The following VPS9D1 variants were observed in gnomAD, a reference collection of about 807,000 sequenced individuals.
The protein encoded by VPS9D1 is VPS9 domain containing 1, also known as VPS9 domain-containing protein 1.
In VPS9D1, 78 loss-of-function variants were observed where a neutral mutation model predicts 75.8. The ratio of observed to expected loss-of-function variants is 1.03; its 90% CI spans 0.86 to 1.24. The LOEUF (loss-of-function observed/expected upper bound fraction) is 1.24. Ranked by LOEUF, VPS9D1 falls within the 50% of genes most tolerant of loss-of-function variation. The probability of loss-of-function intolerance (pLI) is 0.00; values close to 1 mark genes in which losing one functional copy is unlikely to be tolerated. For synonymous variants in VPS9D1, 481 were observed against 385.6 expected, an observed-to-expected ratio of 1.25 and a Z score of -2.90; for missense variants, 1,057 against 847.7, an observed-to-expected ratio of 1.25 and a Z score of -3.07.
Position 89,712,107 on chromosome 16 carries a change from C to T in VPS9D1, c.607-8G>A, listed in dbSNP as rs2060945503. ...CTCCATCTTTCTCTGGAGCTGGGTG[C>T]AGAGTCAAGGGGCCGAGCGTGGGAT... On this transcript the variant is annotated splice_polypyrimidine_tract_variant and splice_region_variant and intron_variant, in intron 6 of 14. Coordinates refer to ENST00000389386, the MANE Select transcript of VPS9D1 (RefSeq NM_004913.3). The T allele has an allele frequency of 6.5e-7, 1 of 1,548,176 alleles. No individual in the cohort carries two copies. Among genetic ancestry groups the T allele is most frequent in the African/African-American group, 1.4e-5 (1 of 72,978 alleles).
intron 1 of VPS9D1, chr16:89,720,534 C>G: frequency 1.7e-6 from 2 of 1,165,726 alleles, no homozygotes; most frequent in Non-Finnish European, 2.1e-6. Flanking sequence ...TGCACCGGCT[C>G]AGCGAGCGGA....
chr16:89,709,044 G>A (rs890634191), intron 12 of VPS9D1, 88 bp from the exon 13 acceptor site: 1 of 362,908 alleles, frequency 2.8e-6, no homozygotes, highest in African/African-American at 1.3e-4. Flanking sequence ...CCCACCTCCT[G>A]ATGTGCACGG....
At chr16:89,711,084 C>G (rs2060906599) in intron 9 of VPS9D1, 74 bp from the exon 10 acceptor site, 1 of 1,394,760 alleles carries the variant, frequency 7.2e-7, no homozygotes, top group East Asian at 2.5e-5. Context: ...CGCGCTATGC[C>G]CGGTTTCAGA....
chr16:89,711,484 G>A (rs2060918971), intron 8 of VPS9D1, 72 bp from the exon 9 acceptor site: 1 of 1,427,182 alleles, frequency 7.0e-7, no homozygotes, highest in Non-Finnish European at 9.5e-7. Flanking sequence ...TCTCCCACCA[G>A]TGCCGACCCC....
At chr16:89,708,605 C>T in intron 13 of VPS9D1, 74 bp from the exon 14 acceptor site, 4 of 1,477,742 alleles carry the variant, frequency 2.7e-6, no homozygotes, top group East Asian at 4.8e-5. Context: ...GCTGTGGAGC[C>T]ATCCTGGCCG....
chr16:89,713,336 A>G lies in VPS9D1; in HGVS notation c.432-620T>C, dbSNP rs534387905. ...GTGGCGCAATCTCGGCTCACTGCAA[A>G]CTCCGCCTCCCGGGTTCATGCCATT... On this transcript the variant is annotated intron_variant, in intron 4 of 14. Coordinates refer to ENST00000389386, the MANE Select transcript of VPS9D1 (RefSeq NM_004913.3). 1.7e-3 allele frequency among the ~76,000 whole-genome samples: 256 copies of G among 150,708 alleles called. 2 individuals are homozygous for G. Among genetic ancestry groups the G allele is most frequent in the African/African-American group, 5.9e-3 (244 of 41,026 alleles).
chr16:89,707,976 C>A (rs775061823), intron 14 of VPS9D1, 22 bp from the exon 15 acceptor site: 1 of 1,608,522 alleles, frequency 6.2e-7, no homozygotes, highest in Non-Finnish European at 8.5e-7. Flanking sequence ...GCAGGGGCAG[C>A]CGGTGTCATC....
rs1034225964 is a variant in VPS9D1, at chr16:89,720,737, C to G, written c.99+26G>C. On this transcript the variant is annotated intron_variant, in intron 1 of 14. Transcript: ENST00000389386. ...CCCTCCAGGGGCCACCCTCAGCGGCCAAGCCCCGCCCCCGCCCCGCCTCAC... is the reference window on the plus strand; with the variant it reads ...CCCTCCAGGGGCCACCCTCAGCGGCGAAGCCCCGCCCCCGCCCCGCCTCAC... The G allele has an allele frequency of 4.9e-6, 7 of 1,426,600 alleles. No individual in the cohort carries two copies. In the African/African-American group the frequency reaches 1.0e-4, roughly 21 times the overall value. 88.4% of individuals were successfully genotyped at this position (1,426,600 alleles called of 1,614,324 possible). A position where few individuals can be genotyped will look rare whatever the true frequency, so the allele number is the denominator to read the frequency against.
chr16:89,718,515 C>T (rs141123955), intron 2 of VPS9D1, among the ~76,000 whole-genome samples: 1 of 152,248 alleles, frequency 6.6e-6, no homozygotes, highest in South Asian at 2.1e-4. Flanking sequence ...ACCCCAGTCT[C>T]CATCTTCTTA....
chr16:89,711,065 C>T (rs2060905910), intron 9 of VPS9D1, 55 bp from the exon 10 acceptor site: 3 of 1,416,986 alleles, frequency 2.1e-6, no homozygotes, highest in South Asian at 1.5e-5. Context: ...CCGTGGCATC[C>T]ACAGGTGCCG....
At position 89,709,207 on chromosome 16, in the gene VPS9D1, T is replaced by G. The variant is rs752587079; in HGVS notation, c.1597+20A>C. On this transcript the variant is annotated intron_variant, in intron 12 of 14. Transcript: ENST00000389386. ...TGGGATGGGAGCCTGTCCCTCCCCCTGACTCTCGAACCTGCTGACCTATGC... is the reference window on the plus strand; with the variant it reads ...TGGGATGGGAGCCTGTCCCTCCCCCGGACTCTCGAACCTGCTGACCTATGC... 4 of 1,611,376 alleles carry G rather than the reference T, an allele frequency of 2.5e-6. No homozygotes were observed. The African/African-American group carries it at 5.3e-5, about 22-fold the overall frequency.
rs748135188 is a variant in VPS9D1, at chr16:89,719,130, G to A, written c.100-28C>T. 10 of 1,607,198 alleles carry A rather than the reference G, an allele frequency of 6.2e-6. No homozygotes were observed. The South Asian group carries it at 9.9e-5, about 16-fold the overall frequency. ...GTGTCCAGGAAAGAGAAAGAGTGGG[G>A]TCAGGCCAGTGGAGGGAAGTGACTC... On this transcript the variant is annotated intron_variant, in intron 1 of 14. Coordinates refer to ENST00000389386, the MANE Select transcript of VPS9D1 (RefSeq NM_004913.3).
intron 13 of VPS9D1, 86 bp downstream of exon 13, chr16:89,708,770 TA>T: frequency 7.3e-7 from 1 of 1,363,994 alleles, no homozygotes; most frequent in Non-Finnish European, 9.8e-7. Flanking sequence ...GGCACAAGGC[TA>T]AGGGGCAGGA....
chr16:89,717,987 T>G (rs563678941), intron 2 of VPS9D1: 12 of 450,042 alleles, frequency 2.7e-5, no homozygotes, highest in African/African-American at 6.2e-5. Context: ...CCACGTCCAG[T>G]GGCTCCCCCG....
chr16:89,713,064 C>G (rs2060975337), intron 4 of VPS9D1: 1 of 164,974 alleles, frequency 6.1e-6, no homozygotes, highest in South Asian at 1.6e-4. Flanking sequence ...CACTTGTAAT[C>G]CCAGCTACTC....
Position 89,711,397 on chromosome 16 carries a change from A to G in VPS9D1, c.763T>C (p.Trp255Arg). ...YEQDHDWPKH[W>R]KAKLKRNPGD... ...GGATTCCTCTTGAGCTTGGCCTTCC[A>G]GTGCTTCGGCCAGTCCTACGGGACA... is the stretch of plus-strand genomic sequence containing the variant. The change falls in exon 9 of 15, where the codon TGG (tryptophan) becomes CGG (arginine). Residue 255 changes from tryptophan to arginine, a missense_variant. By Grantham distance (101) the Trp-to-Arg change is moderately radical. Transcript: ENST00000389386. 1 of 1,609,206 alleles carries G rather than the reference A, an allele frequency of 6.2e-7. No homozygotes were observed. Among genetic ancestry groups the G allele is most frequent in the Non-Finnish European group, 8.5e-7 (1 of 1,177,884 alleles).
chr16:89,717,514 CCT>C (rs772970440), intron 2 of VPS9D1: 6 of 454,622 alleles, frequency 1.3e-5, no homozygotes, highest in Non-Finnish European at 2.2e-5. Context: ...GTGGGAGCTG[CCT>C]CTCTGTGACT....
intron 7 of VPS9D1, 27 bp downstream of exon 7, chr16:89,712,019 CG>C: frequency 1.9e-6 from 3 of 1,549,274 alleles, no homozygotes; most frequent in Non-Finnish European, 2.6e-6. Flanking sequence ...CTCCCCGCAG[CG>C]GCCCCAGGGG....
intron 9 of VPS9D1, 120 bp downstream of exon 9, chr16:89,711,207 G>T: frequency 1.6e-6 from 2 of 1,238,378 alleles, no homozygotes; most frequent in Non-Finnish European, 2.3e-6. Flanking sequence ...GAGCTGCAGT[G>T]TCCACGTGGC....
Sources: allele counts gnomAD v4.1 joint callset (sites outside exome capture counted in the v4.1 genomes callset), GRCh38; gene constraint gnomAD v4.1.1; transcripts MANE v1.5; gene names NCBI Gene and HGNC (gene_info 2026-07-23, HGNC 2026-07-21).